KRAS: variants seen among roughly 807,000 people sequenced by gnomAD.
KRAS encodes KRas proto-oncogene, GTPase, also known as GTPase KRas.
KRAS carries 1 observed loss-of-function variant against 21.0 expected under a neutral mutation model. The observed-to-expected ratio is 0.05, with a 90% CI of 0.02 to 0.23. KRAS has a LOEUF of 0.23. KRAS is among the 10% of genes least tolerant of loss of function. The pLI, the probability that KRAS is intolerant of heterozygous loss-of-function variation, is 1.00. For synonymous variants in KRAS, 67 were observed against 72.5 expected (o/e 0.92, Z 0.39); for missense variants, 107 against 221.8 (o/e 0.48, Z 3.29).
chr12:25,247,794 A>G (rs1565892741), intron 1 of KRAS, among the ~76,000 whole-genome samples: 1 of 152,248 alleles, frequency 6.6e-6, no homozygotes, highest in Admixed American at 6.5e-5. Context: ...ATAAGAATCC[A>G]TATCTTCTAT....
At chr12:25,214,345 A>T (rs1471334403) in intron 4 of KRAS, among the ~76,000 whole-genome samples, 1 of 152,116 alleles carries the variant, frequency 6.6e-6, no homozygotes, top group East Asian at 1.9e-4. Context: ...GACTATCTGC[A>T]ACACATGTGG....
At chr12:25,231,605 T>G (rs1427482852) in intron 2 of KRAS, among the ~76,000 whole-genome samples, 1 of 152,032 alleles carries the variant, frequency 6.6e-6, no homozygotes, top group African/African-American at 2.4e-5. Flanking sequence ...CACTGATAAA[T>G]CTCATTCCTA....
intron 2 of KRAS, chr12:25,234,899 T>C: frequency 8.4e-6 from 2 of 238,862 alleles, no homozygotes; most frequent in Non-Finnish European, 1.6e-5. Flanking sequence ...CAAGTATAGA[T>C]TTTGTTTACT....
In KRAS at chr12:25,209,437, A is replaced by C. The variant is rs1951179846; in HGVS notation, c.*358T>G. ...ATTTATGTGACTAGATAAAACACAGAATAGGGATGATTCAAAAGCTTCATT... is the reference window on the plus strand; with the variant it reads ...ATTTATGTGACTAGATAAAACACAGCATAGGGATGATTCAAAAGCTTCATT... On this transcript the variant is annotated 3_prime_UTR_variant, in exon 5 of 5. Coordinates refer to ENST00000311936, the MANE Select transcript of KRAS (RefSeq NM_004985.5). The C allele has an allele frequency of 2.6e-5, 28 of 1,078,558 alleles. No individual in the cohort carries two copies. The highest frequency in any genetic ancestry group is 3.4e-5 in the Non-Finnish European group (28 of 815,108). The allele number at this position is 1,078,558 out of a possible 1,614,324, so 66.8% of individuals were successfully genotyped here.
chr12:25,224,149 T>C (rs1951359854), intron 4 of KRAS, among the ~76,000 whole-genome samples: 1 of 140,444 alleles, frequency 7.1e-6, no homozygotes, highest in Admixed American at 7.7e-5. Flanking sequence ...ATAGCACCTA[T>C]ATTGTTATTT....
At chr12:25,228,265 C>T (rs1951420009) in intron 2 of KRAS, among the ~76,000 whole-genome samples, 1 of 145,966 alleles carries the variant, frequency 6.9e-6, no homozygotes, top group African/African-American at 2.6e-5. Flanking sequence ...ATCCTCCTGC[C>T]TTGGCCACCC....
chr12:25,221,542 A>G (rs1222427986), intron 4 of KRAS, among the ~76,000 whole-genome samples: 1 of 151,984 alleles, frequency 6.6e-6, no homozygotes, highest in Non-Finnish European at 1.5e-5. Context: ...CGGCCAGCCT[A>G]TTTTTATACT....
rs1178507186 is a variant in KRAS at position 25,205,392 on chromosome 12, TGTTTGATATGACCAACATTCCTA to T, written c.*4380_*4402del. ...CAATTAAAAGAGTGGTCATTTTTAA[TGTTTGATATGACCAACATTCCTA>T]GGTCAGCGCAACCAAATGATGGAAA... On this transcript the variant is annotated 3_prime_UTR_variant, in exon 5 of 5. Transcript: ENST00000311936. The T allele has an allele frequency of 4.6e-6, 1 of 215,508 alleles. No individual in the cohort carries two copies. Among genetic ancestry groups the T allele is most frequent in the Non-Finnish European group, 9.4e-6 (1 of 106,590 alleles). 13.3% of individuals were successfully genotyped at this position (215,508 alleles called of 1,614,324 possible).
intron 4 of KRAS, chr12:25,215,443 A>G: frequency 6.2e-7 from 1 of 1,613,164 alleles, no homozygotes; most frequent in South Asian, 1.1e-5. Context: ...TTACCAGATT[A>G]CATTATAATG....
chr12:25,216,857 C>T (rs1455576136), intron 4 of KRAS, among the ~76,000 whole-genome samples: 1 of 152,110 alleles, frequency 6.6e-6, no homozygotes, highest in Non-Finnish European at 1.5e-5. Context: ...GAGAAATACA[C>T]AGAAATATTA....
At chr12:25,240,665 G>T (rs1951599509) in intron 2 of KRAS, among the ~76,000 whole-genome samples, 1 of 152,098 alleles carries the variant, frequency 6.6e-6, no homozygotes, top group South Asian at 2.1e-4. Context: ...TAGTTGTATT[G>T]TTAAAACCAG....
At chr12:25,248,764 G>T (rs1000416577) in intron 1 of KRAS, among the ~76,000 whole-genome samples, 2 of 151,886 alleles carry the variant, frequency 1.3e-5, no homozygotes, top group Non-Finnish European at 2.9e-5. Context: ...GAGTGGACTG[G>T]ACTCGAATCC....
intron 4 of KRAS, among the ~76,000 whole-genome samples, chr12:25,219,405 G>GTTTTC (rs1159728300): frequency 3.3e-5 from 5 of 152,196 alleles, no homozygotes; most frequent in African/African-American, 1.2e-4. Context: ...ACATACTTGT[G>GTTTTC]AGGCTATGGA....
Position 25,226,903 on chromosome 12 carries a change from T to C in KRAS, c.290+331A>G, listed in dbSNP as rs1019810712. ...GACACCATCTCAAATCATCTTTTCATATTCTTTTTTATGGTTTTCTTTTTT... is the reference window on the plus strand; with the variant it reads ...GACACCATCTCAAATCATCTTTTCACATTCTTTTTTATGGTTTTCTTTTTT... On this transcript the variant is annotated intron_variant, in intron 3 of 4. Transcript: ENST00000311936. 3.9e-4 allele frequency among the ~76,000 whole-genome samples: 60 copies of C among 152,174 alleles called. 2 individuals carry two copies. The highest frequency in any genetic ancestry group is 1.0e-4 in the Non-Finnish European group (7 of 68,028).
Position 25,250,885 on chromosome 12 carries a change from A to G in KRAS, c.-146T>C, listed in dbSNP as rs1208110438. The G allele has an allele frequency of 5.7e-5, 14 of 244,728 alleles. No individual in the cohort carries two copies. The highest frequency in any genetic ancestry group is 2.3e-4 in the South Asian group (2 of 8,876). 15.2% of individuals were successfully genotyped at this position (244,728 alleles called of 1,614,324 possible). A position where few individuals can be genotyped will look rare whatever the true frequency, so the allele number is the denominator to read the frequency against. ...AGCCGCCGCCACCTTCGCCGCCGCC[A>G]CTGCCGCCGCCGCTGCTGCCTCCGC... is the stretch of plus-strand genomic sequence containing the variant. On this transcript the variant is annotated 5_prime_UTR_variant, in exon 1 of 5. Coordinates refer to ENST00000311936, the MANE Select transcript of KRAS (RefSeq NM_004985.5).
At position 25,207,528 on chromosome 12, in the gene KRAS, T is replaced by C; in HGVS notation, c.*2267A>G. On this transcript the variant is annotated 3_prime_UTR_variant, in exon 5 of 5. Transcript: ENST00000311936. Reference sequence around the variant, plus strand: ...AGACTCTGACACCAAAAAAAAAAAGTAAGCTTCATGAATTAAAGTATTTTT... The same window carrying C: ...AGACTCTGACACCAAAAAAAAAAAGCAAGCTTCATGAATTAAAGTATTTTT... 1 of 204,470 alleles carries C rather than the reference T, an allele frequency of 4.9e-6. No individual in the cohort carries two copies. Among genetic ancestry groups the C allele is most frequent in the Non-Finnish European group, 9.8e-6 (1 of 102,016 alleles). 12.7% of individuals were successfully genotyped at this position (204,470 alleles called of 1,614,324 possible). A position where few individuals can be genotyped will look rare whatever the true frequency, so the allele number is the denominator to read the frequency against.
At chr12:25,228,522 T>C (rs145015086) in intron 2 of KRAS, among the ~76,000 whole-genome samples, 215 of 151,886 alleles carry the variant, frequency 1.4e-3, no homozygotes, top group African/African-American at 4.9e-3. Flanking sequence ...AAAGGACAAA[T>C]ACCACATAAT....
chr12:25,245,750 A>G (rs1951670760), intron 1 of KRAS, among the ~76,000 whole-genome samples: 1 of 152,144 alleles, frequency 6.6e-6, no homozygotes, highest in Non-Finnish European at 1.5e-5. Flanking sequence ...ACTCATGTAG[A>G]GACTTCACAG....
chr12:25,246,608 G>A (rs1181409309), intron 1 of KRAS, among the ~76,000 whole-genome samples: 1 of 151,888 alleles, frequency 6.6e-6, no homozygotes, highest in Non-Finnish European at 1.5e-5. Context: ...TTTTTAGTAA[G>A]AAAACAGCTG....
Sources: allele counts gnomAD v4.1 joint callset (sites outside exome capture counted in the v4.1 genomes callset), GRCh38; gene constraint gnomAD v4.1.1; transcripts MANE v1.5; gene names NCBI Gene and HGNC (gene_info 2026-07-23, HGNC 2026-07-21).